TPD52L1: variants seen among roughly 807,000 people sequenced by gnomAD.
TPD52L1 encodes the protein TPD52 like 1, also known as tumor protein D53.
A neutral mutation model predicts 28.7 loss-of-function variants in TPD52L1; 18 were observed. That is an observed-to-expected ratio of 0.63 (90% CI 0.43 to 0.93). The LOEUF (loss-of-function observed/expected upper bound fraction) is 0.93, where lower values mean the gene tolerates loss of function less well. Ranked by LOEUF, TPD52L1 falls within the 40% of genes least tolerant of loss-of-function variation. The pLI, the probability that TPD52L1 is intolerant of heterozygous loss-of-function variation, is 0.00. For synonymous variants in TPD52L1, 75 were observed against 88.8 expected (o/e 0.84, Z 0.88); for missense variants, 203 against 254.8 (o/e 0.80, Z 1.39).
At chr6:125,172,533 T>TATATATATATATATAAA in intron 1 of TPD52L1, among the ~76,000 whole-genome samples, 1 of 90,928 alleles carries the variant, frequency 1.1e-5, no homozygotes, top group African/African-American at 5.1e-5. Context: ...TATATATATA[T>TATATATATATATATAAA]ATATATATAT....
chr6:125,247,225 T>C (rs898581911), intron 3 of TPD52L1, among the ~76,000 whole-genome samples: 3 of 152,222 alleles, frequency 2.0e-5, no homozygotes, highest in East Asian at 1.9e-4. Context: ...TGGGAGAACT[T>C]ACCTGGGAGC....
In TPD52L1 at chr6:125,172,539, T is replaced by TATATATATTATATATATATATA. The variant is rs1562214632; in HGVS notation, c.19+18577_19+18578insTATATATATATATAATATATAT. Among the ~76,000 whole-genome samples the TATATATATTATATATATATATA allele has an allele frequency of 2.7e-3, 259 of 95,020 alleles. 8 individuals carry two copies. The highest frequency in any genetic ancestry group is 4.4e-3 in the Non-Finnish European group (218 of 49,554). 62.3% of individuals were successfully genotyped at this position (95,020 alleles called of 152,430 possible). ...ATATATATATATATATATATATATA[T>TATATATATTATATATATATATA]ATATATATATATAATATATATACTA... On this transcript the variant is annotated intron_variant, in intron 1 of 6. Transcript: ENST00000534000.
intron 1 of TPD52L1, among the ~76,000 whole-genome samples, chr6:125,194,008 A>G (rs970035486): frequency 7.4e-5 from 11 of 149,140 alleles, no homozygotes; most frequent in African/African-American, 2.8e-4. Context: ...ATTTTGTGGA[A>G]AAGTCTTCTG....
At chr6:125,246,054 G>A (rs1796904038) in intron 3 of TPD52L1, among the ~76,000 whole-genome samples, 1 of 152,184 alleles carries the variant, frequency 6.6e-6, no homozygotes, top group Non-Finnish European at 1.5e-5. Flanking sequence ...CTTCCTGGAG[G>A]CGCTCTGTGA....
At chr6:125,252,268 C>T (rs1797317524) in intron 4 of TPD52L1, 2 of 482,540 alleles carry the variant, frequency 4.1e-6, no homozygotes. Context: ...ACTTGCTGAG[C>T]TCTCTCTCAG....
chr6:125,254,274 G>A (rs1797458785), intron 5 of TPD52L1, among the ~76,000 whole-genome samples: 1 of 152,212 alleles, frequency 6.6e-6, no homozygotes, highest in African/African-American at 2.4e-5. Flanking sequence ...TTACTGACCA[G>A]ATAAAAACTG....
chr6:125,154,369 C>G (rs555761), intron 1 of TPD52L1: 450,014 of 1,011,548 alleles, frequency 0.44, 103,391 homozygotes, highest in African/African-American at 0.73. Flanking sequence ...TTTCGCCCAG[C>G]GCCGTGGACT....
chr6:125,197,059 C>T (rs753576873), intron 1 of TPD52L1, among the ~76,000 whole-genome samples: 15 of 152,190 alleles, frequency 9.9e-5, no homozygotes, highest in Non-Finnish European at 1.5e-4. Flanking sequence ...TTCTATACCA[C>T]GGAGAGCTAC....
At chr6:125,177,049 A>C (rs1051544258) in intron 1 of TPD52L1, among the ~76,000 whole-genome samples, 1 of 152,130 alleles carries the variant, frequency 6.6e-6, no homozygotes, top group African/African-American at 2.4e-5. Context: ...TAAATAAATA[A>C]ATAAATGTAA....
At chr6:125,214,484 G>T (rs541660005) in intron 1 of TPD52L1, 1 of 977,266 alleles carries the variant, frequency 1.0e-6, no homozygotes, top group African/African-American at 1.7e-5. Context: ...GATATCTAAG[G>T]GGTATCTAAG....
At chr6:125,154,011 C>T (rs772452403) in intron 1 of TPD52L1, 41 bp downstream of exon 1, 3 of 1,587,318 alleles carry the variant, frequency 1.9e-6, no homozygotes, top group Non-Finnish European at 2.6e-6. Flanking sequence ...GGTCCTGGGG[C>T]GCGCATAAAG....
rs1554203761 is a variant in TPD52L1 at position 125,180,569 on chromosome 6, T to TATATAC, written c.19+26600_19+26601insTATACA. ...TACACACACACACATATATTATATA[T>TATATAC]ACACACACACACACACACACACACA... is the stretch of plus-strand genomic sequence containing the variant. On this transcript the variant is annotated intron_variant, in intron 1 of 6. Transcript: ENST00000534000. 4.7e-3 allele frequency among the ~76,000 whole-genome samples: 699 copies of TATATAC among 150,256 alleles called. 5 individuals are homozygous for TATATAC. Among genetic ancestry groups the TATATAC allele is most frequent in the South Asian group, 0.024 (114 of 4,716 alleles).
At chr6:125,226,424 A>C (rs971560369) in intron 2 of TPD52L1, among the ~76,000 whole-genome samples, 2 of 152,084 alleles carry the variant, frequency 1.3e-5, no homozygotes, top group African/African-American at 2.4e-5. Context: ...TGAAGATTTT[A>C]TTAAAAATTT....
At chr6:125,235,667 A>T (rs1340499789) in intron 3 of TPD52L1, among the ~76,000 whole-genome samples, 1 of 152,100 alleles carries the variant, frequency 6.6e-6, no homozygotes, top group East Asian at 1.9e-4. Context: ...ACCCTTTCTC[A>T]CTGTTTACCC....
chr6:125,154,551 G>T, intron 1 of TPD52L1: 2 of 967,528 alleles, frequency 2.1e-6, no homozygotes, highest in African/African-American at 3.6e-5. Flanking sequence ...CGGTTTCCGC[G>T]ATCGGGGAGC....
At chr6:125,227,887 G>A (rs951701244) in intron 2 of TPD52L1, among the ~76,000 whole-genome samples, 5 of 152,148 alleles carry the variant, frequency 3.3e-5, no homozygotes, top group Non-Finnish European at 5.9e-5. Flanking sequence ...TGTAGCACAG[G>A]GGAAAGAGGA....
intron 1 of TPD52L1, among the ~76,000 whole-genome samples, chr6:125,157,654 G>C (rs1346439712): frequency 3.3e-5 from 5 of 152,094 alleles, no homozygotes; most frequent in Admixed American, 2.6e-4. Context: ...AAAACTTCCT[G>C]ATCCTTTTAA....
intron 1 of TPD52L1, among the ~76,000 whole-genome samples, chr6:125,180,208 A>G (rs1262622669): frequency 1.3e-5 from 2 of 152,286 alleles, no homozygotes; most frequent in Non-Finnish European, 2.9e-5. Flanking sequence ...ACTGCTGCAC[A>G]GCCCTTGTTT....
At chr6:125,210,121 A>T (rs1794399583) in intron 1 of TPD52L1, among the ~76,000 whole-genome samples, 1 of 152,220 alleles carries the variant, frequency 6.6e-6, no homozygotes, top group Admixed American at 6.5e-5. Flanking sequence ...GACGTTCAGG[A>T]GAAGTCAAAT....
Sources: gnomAD v4.1 joint callset for allele counts (sites outside exome capture counted in the v4.1 genomes callset) on GRCh38, gnomAD v4.1.1 for gene constraint, MANE v1.5 for transcripts, NCBI Gene and HGNC (gene_info 2026-07-23, HGNC 2026-07-21) for gene names.